TAOK1: variants seen among roughly 807,000 people sequenced by gnomAD.
TAOK1 encodes serine/threonine-protein kinase TAO1.
TAOK1 carries 21 observed loss-of-function variants against 138.3 expected under a neutral mutation model. The ratio of observed to expected loss-of-function variants is 0.15; its 90% CI spans 0.11 to 0.22. The LOEUF is 0.22. Among genes scored for constraint, TAOK1 ranks in the 10% least tolerant of loss-of-function variants. The pLI is 1.00. For synonymous variants in TAOK1, 361 were observed against 398.4 expected, an observed-to-expected ratio of 0.91 and a Z score of 1.12; for missense variants, 651 against 1,227.7, an observed-to-expected ratio of 0.53 and a Z score of 7.02.
chr17:29,483,192 C>G (rs2031099022), intron 8 of TAOK1, among the ~76,000 whole-genome samples: 1 of 152,184 alleles, frequency 6.6e-6, no homozygotes, highest in Non-Finnish European at 1.5e-5. Flanking sequence ...ATCCTCCCAC[C>G]TCAGCCTCCT....
intron 1 of TAOK1, among the ~76,000 whole-genome samples, chr17:29,399,855 C>G (rs1310292518): frequency 1.3e-5 from 2 of 151,888 alleles, no homozygotes; most frequent in Non-Finnish European, 2.9e-5. Flanking sequence ...TCAGCCACCT[C>G]AGCAGCTAGG....
At chr17:29,407,963 A>G (rs1343325264) in intron 1 of TAOK1, among the ~76,000 whole-genome samples, 1 of 151,480 alleles carries the variant, frequency 6.6e-6, no homozygotes, top group Non-Finnish European at 1.5e-5. Flanking sequence ...CTTGGGCTTA[A>G]GTGATCCTCT....
At chr17:29,479,813 G>C (rs901736388) in intron 6 of TAOK1, among the ~76,000 whole-genome samples, 7 of 151,966 alleles carry the variant, frequency 4.6e-5, no homozygotes, top group African/African-American at 1.4e-4. Context: ...TTTCAGAAAA[G>C]TAAATTTGGG....
At chr17:29,499,430 C>T (rs1195305686) in intron 12 of TAOK1, among the ~76,000 whole-genome samples, 1 of 151,308 alleles carries the variant, frequency 6.6e-6, no homozygotes, top group Non-Finnish European at 1.5e-5. Context: ...CAGGGTTTCA[C>T]CATGTTGGCC....
intron 2 of TAOK1, among the ~76,000 whole-genome samples, chr17:29,463,058 A>G (rs1035574568): frequency 3.3e-5 from 5 of 151,830 alleles, no homozygotes; most frequent in Admixed American, 6.6e-5. Context: ...AGAACATTCC[A>G]TCTTTTTTTC....
chr17:29,528,968 C>T (rs1343249672), intron 17 of TAOK1, among the ~76,000 whole-genome samples: 3 of 126,942 alleles, frequency 2.4e-5, no homozygotes, highest in South Asian at 2.6e-4. Flanking sequence ...GCTTTTATAT[C>T]TTTTTTTTTT....
intron 1 of TAOK1, among the ~76,000 whole-genome samples, chr17:29,424,217 A>G (rs1460537617): frequency 3.9e-5 from 6 of 151,948 alleles, no homozygotes; most frequent in Non-Finnish European, 5.9e-5. Flanking sequence ...CGGGCAGATC[A>G]CAAGGGCAGG....
chr17:29,425,044 G>A (rs1237768293), intron 1 of TAOK1, among the ~76,000 whole-genome samples: 2 of 152,120 alleles, frequency 1.3e-5, no homozygotes, highest in Non-Finnish European at 1.5e-5. Flanking sequence ...TTAAAAGTTA[G>A]ACCATTAAAT....
intron 17 of TAOK1, among the ~76,000 whole-genome samples, chr17:29,530,145 ATT>A (rs2032078573): frequency 6.6e-6 from 1 of 152,244 alleles, no homozygotes; most frequent in East Asian, 1.9e-4. Context: ...AACAACAGAT[ATT>A]GTTACAAGTC....
chr17:29,489,752 T>C lies in TAOK1; in HGVS notation c.744T>C (p.Asn248=), dbSNP rs2031257111. 1.9e-6 allele frequency: 3 copies of C among 1,594,490 alleles called. No individual in the cohort carries two copies. Among genetic ancestry groups the C allele is most frequent in the African/African-American group, 2.7e-5 (2 of 74,272 alleles). The stretch of plus-strand genomic sequence containing the variant: ...ATGAATCCCCTACACTACAGTCTAA[T>C]GAATGGTGAGTATTGTTAATATATA... The part of the protein sequence containing the change: ...AQNESPTLQS[N]EWSDYFRNFV... Residue 248 remains asparagine, a synonymous_variant, in exon 9 of 20, where the codon AAT becomes AAC. Transcript: ENST00000261716.
intron 1 of TAOK1, among the ~76,000 whole-genome samples, chr17:29,409,312 T>C (rs1371057094): frequency 3.9e-5 from 2 of 50,700 alleles, no homozygotes; most frequent in East Asian, 7.7e-4. Flanking sequence ...TATGGACATA[T>C]ATATATATAT....
At chr17:29,472,659 C>T (rs547250514) in intron 3 of TAOK1, among the ~76,000 whole-genome samples, 94 of 151,754 alleles carry the variant, frequency 6.2e-4, no homozygotes, top group African/African-American at 2.0e-3. Flanking sequence ...CCGCAACCTC[C>T]GCCCCGCTGG....
chr17:29,446,734 G>C (rs2153023827), intron 1 of TAOK1, among the ~76,000 whole-genome samples: 1 of 128,748 alleles, frequency 7.8e-6, no homozygotes, highest in Non-Finnish European at 1.6e-5. Flanking sequence ...TATTTTTACT[G>C]TACTTTTTTT....
intron 19 of TAOK1, among the ~76,000 whole-genome samples, chr17:29,538,106 A>G (rs1250710453): frequency 2.3e-5 from 3 of 131,986 alleles, no homozygotes; most frequent in Admixed American, 8.3e-5. Flanking sequence ...GCAAGACTCC[A>G]TCTCAAAAAA....
chr17:29,445,874 G>T lies in TAOK1; in HGVS notation c.-94-5581G>T, dbSNP rs548738732. ...CTTCTAAGCTTGAAGAATTTATGTA[G>T]AATTGGTATTTTTTTTTCTTTAATG... On this transcript the variant is annotated intron_variant, in intron 1 of 19. Coordinates refer to ENST00000261716, the MANE Select transcript of TAOK1 (RefSeq NM_020791.4). 5.9e-5 allele frequency among the ~76,000 whole-genome samples: 9 copies of T among 152,148 alleles called. No individual in the cohort carries two copies. The South Asian group carries it at 1.9e-3, about 32-fold the overall frequency.
intron 1 of TAOK1, among the ~76,000 whole-genome samples, chr17:29,438,492 G>A (rs1029094452): frequency 2.0e-5 from 3 of 152,154 alleles, no homozygotes; most frequent in Non-Finnish European, 4.4e-5. Flanking sequence ...CGAGAATAGC[G>A]TGGGTAACAT....
chr17:29,423,822 C>T (rs537683744), intron 1 of TAOK1, among the ~76,000 whole-genome samples: 4 of 151,874 alleles, frequency 2.6e-5, no homozygotes, highest in East Asian at 1.9e-4. Context: ...CAGAAGCAGG[C>T]GGATTGTTTG....
At chr17:29,501,302 GCTGAGTAGTGGAGGCACA>G (rs2031524394) in intron 12 of TAOK1, among the ~76,000 whole-genome samples, 2 of 151,724 alleles carry the variant, frequency 1.3e-5, no homozygotes, top group Non-Finnish European at 2.9e-5. Context: ...TACTCAAGAG[GCTGAGTAGTGGAGGCACA>G]CTGAGTAGTG....
At chr17:29,417,369 T>C (rs1182658595) in intron 1 of TAOK1, among the ~76,000 whole-genome samples, 1 of 152,226 alleles carries the variant, frequency 6.6e-6, no homozygotes, top group East Asian at 1.9e-4. Context: ...TAGTTTTTAA[T>C]TCCTTATGTA....
Sources: gnomAD v4.1 joint callset for allele counts (sites outside exome capture counted in the v4.1 genomes callset) on GRCh38, gnomAD v4.1.1 for gene constraint, MANE v1.5 for transcripts, NCBI Gene and HGNC (gene_info 2026-07-23, HGNC 2026-07-21) for gene names.